Variants in GPHN observed in about 807,000 individuals in gnomAD.
GPHN encodes gephyrin.
Under a neutral mutation model 95.5 loss-of-function variants are expected in GPHN, and 17 were observed. The observed-to-expected ratio is 0.18, with a 90% CI of 0.12 to 0.27. The LOEUF is 0.27. Ranked by LOEUF, GPHN falls within the 10% of genes least tolerant of loss-of-function variation. The pLI is 1.00. For missense variants in GPHN, 660 were observed against 978.1 expected (o/e 0.67, Z 4.34); for synonymous variants, 320 against 322.5 (o/e 0.99, Z 0.08).
chr14:66,839,231 G>A (rs763016625), intron 4 of GPHN, among the ~76,000 whole-genome samples: 29 of 152,192 alleles, frequency 1.9e-4, no homozygotes, highest in Non-Finnish European at 3.1e-4. Context: ...GAACGAGACC[G>A]AAGGCCAAAG....
At chr14:67,188,224 T>TA in the GPHN span, among the ~76,000 whole-genome samples, 2 of 152,178 alleles carry the variant, frequency 1.3e-5, no homozygotes, top group South Asian at 2.1e-4. Flanking sequence ...AATTCAGACT[T>TA]ACAATCTCCA....
At chr14:67,003,807 G>A (rs1275452103) in intron 9 of GPHN, among the ~76,000 whole-genome samples, 6 of 151,584 alleles carry the variant, frequency 4.0e-5, no homozygotes, top group South Asian at 4.2e-4. Context: ...CATTTGTTAA[G>A]TGCTACTTAT....
intron 2 of GPHN, among the ~76,000 whole-genome samples, chr14:66,739,513 G>A (rs2072611135): frequency 1.4e-5 from 2 of 140,982 alleles, no homozygotes; most frequent in African/African-American, 2.8e-5. Flanking sequence ...ACCACCCCCG[G>A]CCCCTGCTTT....
intron 1 of GPHN, among the ~76,000 whole-genome samples, chr14:66,545,412 G>A (rs1407598688): frequency 7.0e-6 from 1 of 143,032 alleles, no homozygotes; most frequent in Middle Eastern, 3.8e-3. Flanking sequence ...TCCCGGATGG[G>A]GCGGCTGGCC....
At chr14:67,063,907 A>G (rs532448812) in intron 11 of GPHN, among the ~76,000 whole-genome samples, 4 of 152,260 alleles carry the variant, frequency 2.6e-5, no homozygotes, top group South Asian at 2.1e-4. Context: ...TCTTTTCCTA[A>G]TTGAATACCT....
the GPHN span, chr14:67,397,525 C>T: frequency 1.5e-6 from 1 of 677,100 alleles, no homozygotes; most frequent in Non-Finnish European, 2.4e-6. Context: ...TGGTATGTGG[C>T]GGAGCCAGGA....
rs748384432 is a variant in GPHN, at chr14:66,545,712, C to T, written c.64+37121C>T. 1.3e-3 allele frequency among the ~76,000 whole-genome samples: 180 copies of T among 140,600 alleles called. 1 individual carries two copies. The highest frequency in any genetic ancestry group is 2.3e-3 in the Non-Finnish European group (149 of 64,748). 92.2% of individuals were successfully genotyped at this position (140,600 alleles called of 152,430 possible). A position where few individuals can be genotyped will look rare whatever the true frequency, so the allele number is the denominator to read the frequency against. On this transcript the variant is annotated intron_variant, in intron 1 of 22. Transcript: ENST00000478722. ...GCAGAGGCGCCCCTCACCTCCCGGA[C>T]GGGGTGGCTGGCCGGGCGGGGGGCT...
chr14:67,409,158 G>T, the GPHN span, among the ~76,000 whole-genome samples: 6 of 152,176 alleles, frequency 3.9e-5, no homozygotes, highest in African/African-American at 1.4e-4. Flanking sequence ...CAGGAGGATT[G>T]CTTGAGCCTG....
At chr14:67,733,982 A>T in the GPHN span, 1 of 667,136 alleles carries the variant, frequency 1.5e-6, no homozygotes, top group South Asian at 1.5e-5. Flanking sequence ...GATCCTCTTG[A>T]CCCTTCTGGG....
At chr14:67,587,714 AT>A in the GPHN span, 2 of 164,564 alleles carry the variant, frequency 1.2e-5, no homozygotes, top group Admixed American at 1.2e-4. Context: ...TGCCCGGCTA[AT>A]TTTTGTATTT....
the GPHN span, among the ~76,000 whole-genome samples, chr14:67,258,363 C>T: frequency 3.0e-4 from 45 of 152,220 alleles, no homozygotes; most frequent in African/African-American, 8.2e-4. Context: ...GGCGAAACCC[C>T]GTCTCTACCA....
the GPHN span, chr14:67,573,206 T>TGGAC: frequency 1.0e-4 from 95 of 936,916 alleles, no homozygotes; most frequent in Non-Finnish European, 1.5e-4. The surrounding 1 kb of genome is among the most constrained non-coding windows in gnomAD (Gnocchi z 4.8). Flanking sequence ...CTGGACCACT[T>TGGAC]GGACCTGTGT....
chr14:67,223,583 C>A, the GPHN span: 1 of 320,616 alleles, frequency 3.1e-6, no homozygotes, highest in Non-Finnish European at 4.5e-6. Flanking sequence ...AGCAAATGAG[C>A]AGAAAAATTC....
intron 17 of GPHN, among the ~76,000 whole-genome samples, chr14:67,135,317 TCTC>T (rs1305065261): frequency 1.3e-5 from 2 of 152,160 alleles, no homozygotes; most frequent in African/African-American, 2.4e-5. Context: ...TACTGTTTTC[TCTC>T]CTCCAACTTC....
intron 16 of GPHN, among the ~76,000 whole-genome samples, chr14:67,114,011 A>C (rs2078528799): frequency 6.6e-6 from 1 of 152,302 alleles, no homozygotes; most frequent in East Asian, 1.9e-4. Flanking sequence ...CTGAAAATAA[A>C]CCCATCATTA....
the GPHN span, among the ~76,000 whole-genome samples, chr14:67,496,736 CTCTT>C: frequency 1.0e-4 from 15 of 144,592 alleles, no homozygotes; most frequent in Admixed American, 5.8e-4. Flanking sequence ...CTCTCTCTCT[CTCTT>C]TCTTTCCTTC....
chr14:66,914,926 A>G (rs2065834756), intron 5 of GPHN, among the ~76,000 whole-genome samples: 1 of 152,128 alleles, frequency 6.6e-6, no homozygotes, highest in Admixed American at 6.5e-5. Flanking sequence ...GACTGCCAGA[A>G]CTAAAACAGA....
the GPHN span, among the ~76,000 whole-genome samples, chr14:67,325,537 TGAG>T: frequency 6.6e-6 from 1 of 152,142 alleles, no homozygotes; most frequent in East Asian, 1.9e-4. Context: ...TGGCTGTTCT[TGAG>T]GAGGATCACA....
At chr14:67,456,828 T>A in the GPHN span, among the ~76,000 whole-genome samples, 2 of 152,184 alleles carry the variant, frequency 1.3e-5, no homozygotes, top group Non-Finnish European at 2.9e-5. Flanking sequence ...GGCACACATA[T>A]GTATGTTCAT....
Sources: gnomAD v4.1 joint callset for allele counts (sites outside exome capture counted in the v4.1 genomes callset) on GRCh38, gnomAD v4.1.1 for gene constraint, Gnocchi (gnomAD v3.1) non-coding constraint, MANE v1.5 for transcripts, NCBI Gene and HGNC (gene_info 2026-07-23, HGNC 2026-07-21) for gene names.